Variants in TTLL5 observed in about 807,000 individuals in gnomAD.
TTLL5 encodes the protein tubulin tyrosine ligase like 5.
Under a neutral mutation model 168.4 loss-of-function variants are expected in TTLL5, and 132 were observed. The ratio of observed to expected loss-of-function variants is 0.78; its 90% CI spans 0.68 to 0.91. The LOEUF (loss-of-function observed/expected upper bound fraction) is 0.91, where lower values mean the gene tolerates loss of function less well. Among genes scored for constraint, TTLL5 ranks in the 40% least tolerant of loss-of-function variants. TTLL5 has a pLI of 0.00. For missense variants in TTLL5, 1,545 were observed against 1,581.5 expected, an observed-to-expected ratio of 0.98 and a Z score of 0.39; for synonymous variants, 546 against 558.6, an observed-to-expected ratio of 0.98 and a Z score of 0.32.
chr14:75,952,967 A>G (rs2035008653), intron 31 of TTLL5, among the ~76,000 whole-genome samples: 1 of 152,234 alleles, frequency 6.6e-6, no homozygotes, highest in Admixed American at 6.5e-5. Context: ...TGAATATAAT[A>G]TACTAAAAGC....
chr14:75,741,786 T>C (rs1483767938), intron 15 of TTLL5, among the ~76,000 whole-genome samples: 1 of 152,096 alleles, frequency 6.6e-6, no homozygotes, highest in African/African-American at 2.4e-5. Context: ...TCACAAATAA[T>C]GTACACAGTA....
At chr14:75,874,989 A>G (rs990354598) in intron 29 of TTLL5, among the ~76,000 whole-genome samples, 40 of 128,088 alleles carry the variant, frequency 3.1e-4, no homozygotes, top group African/African-American at 1.3e-3. Flanking sequence ...GCTGGAGTGC[A>G]GTGGCGTGAT....
intron 31 of TTLL5, among the ~76,000 whole-genome samples, chr14:75,944,967 G>A (rs1216331125): frequency 6.6e-6 from 1 of 152,004 alleles, no homozygotes; most frequent in African/African-American, 2.4e-5. Flanking sequence ...TAAACACACT[G>A]TGCATGCTCA....
At chr14:75,776,673 A>G (rs1264699149) in intron 22 of TTLL5, 74 bp from the exon 23 acceptor site, 1 of 1,069,410 alleles carries the variant, frequency 9.4e-7, no homozygotes, top group Non-Finnish European at 1.4e-6. Context: ...TATTGAAACT[A>G]CATGATGAAG....
At chr14:75,914,619 G>GTT (rs10571332) in intron 31 of TTLL5, among the ~76,000 whole-genome samples, 108 of 96,066 alleles carry the variant, frequency 1.1e-3, no homozygotes, top group East Asian at 2.2e-3. Context: ...CACTACTCTT[G>GTT]TTTTTTTTTT....
At chr14:75,795,984 T>C (rs572953682) in intron 27 of TTLL5, among the ~76,000 whole-genome samples, 1 of 152,336 alleles carries the variant, frequency 6.6e-6, no homozygotes, top group East Asian at 1.9e-4. Flanking sequence ...AGATCTACTT[T>C]TAGTTCTTTA....
intron 30 of TTLL5, chr14:75,886,661 G>C: frequency 1.3e-6 from 2 of 1,590,344 alleles, no homozygotes; most frequent in Non-Finnish European, 8.5e-7. Flanking sequence ...AATCTTTCTT[G>C]ATTTTCTTCT....
intron 31 of TTLL5, among the ~76,000 whole-genome samples, chr14:75,919,038 T>TA (rs1566660170): frequency 6.6e-6 from 1 of 151,128 alleles, no homozygotes; most frequent in African/African-American, 2.4e-5. Flanking sequence ...CTGTCTCTAC[T>TA]AAAAATACAA....
At chr14:75,897,180 A>G (rs1239529028) in intron 30 of TTLL5, among the ~76,000 whole-genome samples, 1 of 32,672 alleles carries the variant, frequency 3.1e-5, no homozygotes, top group Non-Finnish European at 5.5e-5. Context: ...CTCAGACCTC[A>G]GAAAAATGGC....
intron 31 of TTLL5, among the ~76,000 whole-genome samples, chr14:75,924,044 C>CTTTTTTTTTTTTTTTTT (rs55779705): frequency 2.1e-5 from 3 of 142,928 alleles, no homozygotes; most frequent in Non-Finnish European, 3.0e-5. Context: ...GCAACCCCAG[C>CTTTTTTTTTTTTTTTTT]TTTTTTTTTT....
At chr14:75,702,910 G>A (rs943055584) in intron 7 of TTLL5, among the ~76,000 whole-genome samples, 7 of 152,076 alleles carry the variant, frequency 4.6e-5, no homozygotes, top group Non-Finnish European at 8.8e-5. Context: ...CGGACATAAT[G>A]GGAAAATACT....
chr14:75,769,054 A>C (rs1421190863), intron 20 of TTLL5, among the ~76,000 whole-genome samples: 1 of 152,222 alleles, frequency 6.6e-6, no homozygotes, highest in African/African-American at 2.4e-5. Context: ...CACTGAATTG[A>C]AAATAGAGCA....
At chr14:75,692,366 ATGTTT>A (rs1262724944) in intron 6 of TTLL5, among the ~76,000 whole-genome samples, 4 of 152,048 alleles carry the variant, frequency 2.6e-5, no homozygotes, top group Non-Finnish European at 5.9e-5. Context: ...TTATTTTTGT[ATGTTT>A]TGTTTAACTA....
Position 75,683,464 on chromosome 14 carries a change from A to G in TTLL5, c.265-86A>G, listed in dbSNP as rs192051606. On this transcript the variant is annotated intron_variant, in intron 4 of 31. Coordinates refer to ENST00000298832, the MANE Select transcript of TTLL5 (RefSeq NM_015072.5). ...TGAGTACACTGTGGATGAAAAAATC[A>G]CTGTGGCTTTTTCTGCCATTGCTTT... 4.1e-4 allele frequency: 455 copies of G among 1,110,790 alleles called. 1 individual carries two copies. The African/African-American group carries it at 6.4e-3, about 16-fold the overall frequency. The allele number at this position is 1,110,790 out of a possible 1,614,324, so 68.8% of individuals were successfully genotyped here.
chr14:75,681,714 G>A (rs1884624406), intron 4 of TTLL5, 87 bp downstream of exon 4: 1 of 1,126,430 alleles, frequency 8.9e-7, no homozygotes. Context: ...AACAGGGCCA[G>A]CTCCAGGAAG....
chr14:75,859,129 CTCTGCATATCT>C (rs1185030040), intron 28 of TTLL5, among the ~76,000 whole-genome samples: 1 of 152,204 alleles, frequency 6.6e-6, no homozygotes, highest in Non-Finnish European at 1.5e-5. Flanking sequence ...TGTCACAGTC[CTCTGCATATCT>C]TTATGGAGAG....
intron 29 of TTLL5, among the ~76,000 whole-genome samples, chr14:75,873,426 CCT>C (rs1286187696): frequency 6.6e-6 from 1 of 152,150 alleles, no homozygotes; most frequent in Admixed American, 6.5e-5. Context: ...TGAACAACTC[CCT>C]GTTTTCCTCT....
In TTLL5 at chr14:75,775,475, A is replaced by C; in HGVS notation, c.2137-9A>C. The C allele has an allele frequency of 6.2e-7, 1 of 1,610,972 alleles. No individual in the cohort carries two copies. The highest frequency in any genetic ancestry group is 8.5e-7 in the Non-Finnish European group (1 of 1,178,726). On this transcript the variant is annotated splice_polypyrimidine_tract_variant and intron_variant, in intron 21 of 31. Transcript: ENST00000298832. The stretch of plus-strand genomic sequence containing the variant: ...CTTTTTTTTTCTCCCACGACTCTTT[A>C]ATTTATAGGAGCTGGTTGTTCGTTT...
intron 3 of TTLL5, 131 bp downstream of exon 3, chr14:75,669,653 T>C: frequency 1.7e-6 from 1 of 588,616 alleles, no homozygotes; most frequent in East Asian, 2.9e-5. Context: ...GTTGTTATAC[T>C]TCAAACATTA....
Sources: allele counts gnomAD v4.1 joint callset (sites outside exome capture counted in the v4.1 genomes callset), GRCh38; gene constraint gnomAD v4.1.1; transcripts MANE v1.5; gene names NCBI Gene and HGNC (gene_info 2026-07-23, HGNC 2026-07-21).